PXYLP1: variants seen among roughly 807,000 people sequenced by gnomAD.
PXYLP1 encodes the protein acid phosphatase-like 2.
In PXYLP1, 17 loss-of-function variants were observed where a neutral mutation model predicts 37.9. The ratio of observed to expected loss-of-function variants is 0.45; its 90% CI spans 0.31 to 0.67. PXYLP1 has a LOEUF of 0.67. PXYLP1 is among the 30% of genes least tolerant of loss of function. The pLI, the probability that PXYLP1 is intolerant of heterozygous loss-of-function variation, is 0.07. For synonymous variants in PXYLP1, 221 were observed against 232.2 expected (o/e 0.95, Z 0.44); for missense variants, 511 against 612.0 (o/e 0.84, Z 1.74).
At position 141,287,359 on chromosome 3, in the gene PXYLP1, A is replaced by G. The variant is rs759257614; in HGVS notation, c.411A>G (p.Ser137=). 21 of 1,614,062 alleles carry G rather than the reference A, an allele frequency of 1.3e-5. No individual in the cohort carries two copies. In the African/African-American group the frequency reaches 2.5e-4, roughly 19 times the overall value. Reference sequence around the variant, plus strand: ...TGGAAGCTTTCATTAGTCACATGTCAAAAGGATCCGGAGCCTCTTTCGAAA... The same window carrying G: ...TGGAAGCTTTCATTAGTCACATGTCGAAAGGATCCGGAGCCTCTTTCGAAA... The part of the protein sequence containing the change: ...PKLEAFISHM[S]KGSGASFESP... The change falls in exon 5 of 6, where the codon TCA becomes TCG. Residue 137 remains serine (S), a synonymous_variant. Coordinates refer to ENST00000286353, the MANE Select transcript of PXYLP1 (RefSeq NM_001037172.3).
intron 1 of PXYLP1, among the ~76,000 whole-genome samples, chr3:141,254,183 G>C (rs1466816945): frequency 6.6e-6 from 1 of 152,176 alleles, no homozygotes; most frequent in Non-Finnish European, 1.5e-5. Context: ...AAAGTACTGG[G>C]ATTACAGGCG....
intron 2 of PXYLP1, among the ~76,000 whole-genome samples, chr3:141,269,082 T>C (rs1690153414): frequency 6.6e-6 from 1 of 152,266 alleles, no homozygotes; most frequent in African/African-American, 2.4e-5. Context: ...CATTCTCTCT[T>C]TCCTTGAGGT....
chr3:141,280,142 G>A lies in PXYLP1; in HGVS notation c.365+638G>A, dbSNP rs75805757. ...AGGCATAGTTAGCAATAAAATATTGGGCTAGACCTCAGCAAATGTGTCTGG... is the reference window on the plus strand; with the variant it reads ...AGGCATAGTTAGCAATAAAATATTGAGCTAGACCTCAGCAAATGTGTCTGG... On this transcript the variant is annotated intron_variant, in intron 4 of 5. Transcript: ENST00000286353. 8.7e-3 allele frequency among the ~76,000 whole-genome samples: 1,326 copies of A among 152,302 alleles called. 18 individuals are homozygous for A. The highest frequency in any genetic ancestry group is 0.03 in the African/African-American group (1,236 of 41,556).
At chr3:141,243,027 G>C (rs937473892) in intron 1 of PXYLP1, among the ~76,000 whole-genome samples, 4 of 152,310 alleles carry the variant, frequency 2.6e-5, no homozygotes, top group East Asian at 1.9e-4. Context: ...TACCTTGCCC[G>C]AGCTGTTAGG....
chr3:141,260,097 A>G, intron 1 of PXYLP1, 26 bp from the exon 2 acceptor site: 1 of 1,556,620 alleles, frequency 6.4e-7, no homozygotes, highest in African/African-American at 1.4e-5. Flanking sequence ...CTAAACACTC[A>G]TTTATCACCT....
chr3:141,252,595 C>T (rs1941166510), intron 1 of PXYLP1, among the ~76,000 whole-genome samples: 1 of 152,182 alleles, frequency 6.6e-6, no homozygotes, highest in Non-Finnish European at 1.5e-5. Context: ...CATGCGGGAA[C>T]CACTGCCATG....
Position 141,231,840 on chromosome 3 carries a change from G to C in PXYLP1, c.-125G>C, listed in dbSNP as rs1386050800. 3.3e-5 allele frequency: 5 copies of C among 150,662 alleles called. No individual in the cohort carries two copies. The highest frequency in any genetic ancestry group is 2.1e-4 in the South Asian group (1 of 4,826). The allele number at this position is 150,662 out of a possible 1,614,324, so 9.3% of individuals were successfully genotyped here. A position where few individuals can be genotyped will look rare whatever the true frequency, so the allele number is the denominator to read the frequency against. On this transcript the variant is annotated 5_prime_UTR_variant, in exon 1 of 6. Coordinates refer to ENST00000286353, the MANE Select transcript of PXYLP1 (RefSeq NM_001037172.3). The surrounding 1 kb of genome is among the most constrained non-coding windows in gnomAD (Gnocchi z 4.4). ...CGCCGCCCTCGCCTCCCCTCGCGCC[G>C]GGAGGAGCTGGCGGCGAGCGCCGAG...
At chr3:141,240,579 G>A (rs1043414566) in intron 1 of PXYLP1, among the ~76,000 whole-genome samples, 7 of 152,064 alleles carry the variant, frequency 4.6e-5, no homozygotes, top group African/African-American at 1.4e-4. Context: ...GAGGAAATGT[G>A]GTCCAGCCAC....
Position 141,258,070 on chromosome 3 carries a change from A to G in PXYLP1, c.-53-2053A>G, listed in dbSNP as rs150704718. Reference sequence around the variant, plus strand: ...GGAAGCAGGAAGTAGTTGAGGGACAAGACATGACCCAGCAGCAGAAACAAG... The same window carrying G: ...GGAAGCAGGAAGTAGTTGAGGGACAGGACATGACCCAGCAGCAGAAACAAG... On this transcript the variant is annotated intron_variant, in intron 1 of 5. Coordinates refer to ENST00000286353, the MANE Select transcript of PXYLP1 (RefSeq NM_001037172.3). Among the ~76,000 whole-genome samples the G allele has an allele frequency of 3.9e-5, 6 of 152,296 alleles. No homozygotes were observed. The East Asian group carries it at 1.2e-3, about 29-fold the overall frequency.
chr3:141,252,842 G>A, intron 1 of PXYLP1, among the ~76,000 whole-genome samples: 1 of 152,190 alleles, frequency 6.6e-6, no homozygotes, highest in East Asian at 1.9e-4. Flanking sequence ...AGACCCCCAG[G>A]TGAGAGAGGG....
At chr3:141,246,684 T>C (rs1410592118) in intron 1 of PXYLP1, among the ~76,000 whole-genome samples, 1 of 152,220 alleles carries the variant, frequency 6.6e-6, no homozygotes, top group Non-Finnish European at 1.5e-5. Flanking sequence ...GACCAGGCAG[T>C]GTTCTTGGCC....
At chr3:141,291,258 A>T (rs1942197525) in intron 5 of PXYLP1, among the ~76,000 whole-genome samples, 1 of 151,336 alleles carries the variant, frequency 6.6e-6, no homozygotes, top group Admixed American at 6.6e-5. Context: ...CATGCCCATG[A>T]CAGATTGTGT....
intron 4 of PXYLP1, among the ~76,000 whole-genome samples, chr3:141,283,932 G>C (rs1942013326): frequency 6.6e-6 from 1 of 151,990 alleles, no homozygotes. Flanking sequence ...GGACTCCAAA[G>C]TGAATGACTT....
chr3:141,283,772 T>C (rs1942009245), intron 4 of PXYLP1, among the ~76,000 whole-genome samples: 1 of 151,646 alleles, frequency 6.6e-6, no homozygotes, highest in South Asian at 2.1e-4. Context: ...CCTCTTCTGC[T>C]TGCCTTAACA....
intron 4 of PXYLP1, 63 bp downstream of exon 4, chr3:141,279,567 T>C (rs1366976250): frequency 5.7e-6 from 9 of 1,592,528 alleles, no homozygotes; most frequent in Non-Finnish European, 6.9e-6. Flanking sequence ...GGATAGAGAA[T>C]GACAGGACCT....
At chr3:141,270,656 G>A (rs552698416) in intron 2 of PXYLP1, among the ~76,000 whole-genome samples, 4 of 152,302 alleles carry the variant, frequency 2.6e-5, no homozygotes, top group East Asian at 3.9e-4. Flanking sequence ...GGGTGTTTTA[G>A]CTTATGAGGA....
At chr3:141,245,880 C>T (rs191004217) in intron 1 of PXYLP1, among the ~76,000 whole-genome samples, 2 of 152,310 alleles carry the variant, frequency 1.3e-5, no homozygotes, top group Admixed American at 1.3e-4. Flanking sequence ...AAGTACACAG[C>T]TTTGCTGTTG....
intron 2 of PXYLP1, among the ~76,000 whole-genome samples, chr3:141,274,952 G>A (rs1282864623): frequency 6.6e-6 from 1 of 152,200 alleles, no homozygotes; most frequent in African/African-American, 2.4e-5. Flanking sequence ...GGGTGGGATG[G>A]CTCAGAGCAG....
chr3:141,278,242 A>G, intron 2 of PXYLP1, 100 bp from the exon 3 acceptor site: 1 of 1,361,588 alleles, frequency 7.3e-7, no homozygotes, highest in Non-Finnish European at 1.0e-6. Flanking sequence ...TCTCAGTGTA[A>G]GAATAGCTCC....
Sources: gnomAD v4.1 joint callset for allele counts (sites outside exome capture counted in the v4.1 genomes callset) on GRCh38, gnomAD v4.1.1 for gene constraint, Gnocchi (gnomAD v3.1) non-coding constraint, MANE v1.5 for transcripts, NCBI Gene and HGNC (gene_info 2026-07-23, HGNC 2026-07-21) for gene names.